ZNF226: variants seen among roughly 807,000 people sequenced by gnomAD.
ZNF226 encodes the protein Kruppel-associated box protein.
In ZNF226, 6 loss-of-function variants were observed where a neutral mutation model predicts 11.4. The observed-to-expected ratio is 0.53, with a 90% CI of 0.29 to 1.04. The LOEUF (loss-of-function observed/expected upper bound fraction) is 1.04, where lower values mean the gene tolerates loss of function less well. Ranked by LOEUF, ZNF226 falls within the 50% of genes least tolerant of loss-of-function variation. The pLI, the probability that ZNF226 is intolerant of heterozygous loss-of-function variation, is 0.08. For missense variants in ZNF226, 1,058 were observed against 956.5 expected, an observed-to-expected ratio of 1.11 and a Z score of -1.40; for synonymous variants, 350 against 322.8, an observed-to-expected ratio of 1.08 and a Z score of -0.90.
At chr19:44,174,560 G>A (rs1212394554) in intron 5 of ZNF226, 1 of 153,502 alleles carries the variant, frequency 6.5e-6, no homozygotes, top group Non-Finnish European at 1.4e-5. Flanking sequence ...AGGCTTATAT[G>A]TATGTCTTTA....
chr19:44,167,256 G>A (rs1232718423), intron 2 of ZNF226, among the ~76,000 whole-genome samples: 1 of 149,124 alleles, frequency 6.7e-6, no homozygotes, highest in Non-Finnish European at 1.5e-5. Context: ...TATTGCCATA[G>A]TTGTCATCAT....
chr19:44,176,410 G>A lies in ZNF226; in HGVS notation c.1148G>A (p.Arg383Lys). The A allele has an allele frequency of 1.2e-6, 2 of 1,614,044 alleles. No homozygotes were observed. The highest frequency in any genetic ancestry group is 2.2e-5 in the South Asian group (2 of 91,080). Reference protein sequence around the residue: ...SQASHLQDHQRLHTGEKPFKC... With the variant: ...SQASHLQDHQKLHTGEKPFKC... ...GCCTCTCATCTTCAGGACCATCAGA[G>A]ACTCCACACTGGGGAGAAGCCATTC... The change falls in exon 6 of 6, where the codon AGA (arginine) becomes AAA (lysine). Residue 383 changes from arginine to lysine, a missense_variant. Arg to Lys is a conservative substitution (Grantham distance 26, BLOSUM62 2). Transcript: ENST00000337433.
chr19:44,170,376 G>C (rs972913357), intron 3 of ZNF226, among the ~76,000 whole-genome samples: 1 of 151,762 alleles, frequency 6.6e-6, no homozygotes, highest in Admixed American at 6.6e-5. Flanking sequence ...GCAGGGGGTG[G>C]GATCACTTGA....
At position 44,171,955 on chromosome 19, in the gene ZNF226, T is replaced by C. The variant is rs578238633; in HGVS notation, c.16-133T>C. 12 of 1,238,278 alleles carry C rather than the reference T, an allele frequency of 9.7e-6. No homozygotes were observed. The East Asian group carries it at 2.7e-4, about 28-fold the overall frequency. 76.7% of individuals were successfully genotyped at this position (1,238,278 alleles called of 1,614,324 possible). On this transcript the variant is annotated intron_variant, in intron 3 of 5. Transcript: ENST00000337433. ...CTTTTGGTAAGTCAGTGTATGGCAT[T>C]GGCAAGACAGGAGAAGGGCTGGGAA... is the stretch of plus-strand genomic sequence containing the variant.
the ZNF226 span, among the ~76,000 whole-genome samples, chr19:44,192,739 A>G: frequency 6.6e-6 from 1 of 152,226 alleles, no homozygotes; most frequent in Non-Finnish European, 1.5e-5. Flanking sequence ...AGTGTAAAAC[A>G]GGAAAAAGCT....
chr19:44,186,433 A>G, the ZNF226 span, among the ~76,000 whole-genome samples: 1 of 152,030 alleles, frequency 6.6e-6, no homozygotes, highest in East Asian at 1.9e-4. Flanking sequence ...CAGTTATTTG[A>G]TTAAGTTCTT....
At chr19:44,175,477 C>T in intron 5 of ZNF226, 21 bp from the exon 6 acceptor site, 2 of 1,548,242 alleles carry the variant, frequency 1.3e-6, no homozygotes, top group South Asian at 1.3e-5. Context: ...CACTATCTCT[C>T]TGAATCCTTT....
At chr19:44,194,537 C>G in the ZNF226 span, among the ~76,000 whole-genome samples, 1 of 152,172 alleles carries the variant, frequency 6.6e-6, no homozygotes, top group African/African-American at 2.4e-5. Context: ...TCTCAGCCTC[C>G]CAGCTGGCTG....
the ZNF226 span, among the ~76,000 whole-genome samples, chr19:44,197,545 A>T: frequency 6.6e-6 from 1 of 152,338 alleles, no homozygotes; most frequent in South Asian, 2.1e-4. Flanking sequence ...AGTAATTTTT[A>T]AAAAATCAGT....
the ZNF226 span, among the ~76,000 whole-genome samples, chr19:44,189,239 C>T: frequency 5.3e-5 from 8 of 152,198 alleles, no homozygotes; most frequent in African/African-American, 1.4e-4. Context: ...AAGAAAGATA[C>T]GAAGTAAAAT....
At chr19:44,180,742 C>G (rs1407344300), downstream of ZNF226, among the ~76,000 whole-genome samples, 1 of 152,146 alleles carries the variant, frequency 6.6e-6, no homozygotes, top group Non-Finnish European at 1.5e-5. Flanking sequence ...AAAACGTGTA[C>G]TAAGCCTTAT....
downstream of ZNF226, among the ~76,000 whole-genome samples, chr19:44,182,662 G>A (rs541738590): frequency 1.3e-5 from 2 of 152,262 alleles, no homozygotes; most frequent in South Asian, 4.1e-4. Context: ...GACCAGGAAT[G>A]GGAGAGGAAA....
intron 3 of ZNF226, 108 bp downstream of exon 3, chr19:44,170,203 T>C: frequency 8.9e-7 from 1 of 1,118,094 alleles, no homozygotes; most frequent in Non-Finnish European, 1.3e-6. Flanking sequence ...GATGACCTGT[T>C]GAGTGTGCTA....
chr19:44,184,829 T>C, the ZNF226 span, among the ~76,000 whole-genome samples: 2 of 152,186 alleles, frequency 1.3e-5, no homozygotes, highest in Non-Finnish European at 2.9e-5. Context: ...AAGTGTACAA[T>C]TCATTAGTGT....
the ZNF226 span, among the ~76,000 whole-genome samples, chr19:44,186,501 G>A: frequency 6.6e-6 from 1 of 151,856 alleles, no homozygotes; most frequent in African/African-American, 2.4e-5. Context: ...TTTCACGTTG[G>A]TGATTGCTAG....
downstream of ZNF226, among the ~76,000 whole-genome samples, chr19:44,181,465 G>GT (rs1970906166): frequency 1.4e-5 from 2 of 143,576 alleles, no homozygotes; most frequent in African/African-American, 5.9e-5. Flanking sequence ...TTCTATCTTA[G>GT]CTTTTAGCTT....
At chr19:44,190,238 TTTA>T in the ZNF226 span, among the ~76,000 whole-genome samples, 3 of 152,156 alleles carry the variant, frequency 2.0e-5, no homozygotes, top group Admixed American at 6.5e-5. Context: ...TTTTATTAGT[TTTA>T]TTATTTTAGT....
intron 4 of ZNF226, chr19:44,172,421 C>G: frequency 1.9e-6 from 1 of 529,824 alleles, no homozygotes; most frequent in South Asian, 2.4e-5. Flanking sequence ...GAACAGAATA[C>G]TGCTATGCCT....
the ZNF226 span, among the ~76,000 whole-genome samples, chr19:44,191,229 G>A: frequency 2.0e-5 from 3 of 152,088 alleles, no homozygotes; most frequent in African/African-American, 7.2e-5. Flanking sequence ...GATACCTTTA[G>A]AGAAAAATCA....
Sources: gnomAD v4.1 joint callset for allele counts (sites outside exome capture counted in the v4.1 genomes callset) on GRCh38, gnomAD v4.1.1 for gene constraint, MANE v1.5 for transcripts, NCBI Gene and HGNC (gene_info 2026-07-23, HGNC 2026-07-21) for gene names.